STEAP2: variants seen among roughly 807,000 people sequenced by gnomAD.
STEAP2 encodes the protein metalloreductase STEAP2.
STEAP2 carries 30 observed loss-of-function variants against 46.4 expected under a neutral mutation model. The ratio of observed to expected loss-of-function variants is 0.65; its 90% confidence interval spans 0.48 to 0.88. The LOEUF is 0.88. Ranked by LOEUF, STEAP2 falls within the 40% of genes least tolerant of loss-of-function variation. The probability of loss-of-function intolerance (pLI) is 0.00; values close to 1 mark genes in which losing one functional copy is unlikely to be tolerated. For missense variants in STEAP2, 513 were observed against 579.3 expected, an observed-to-expected ratio of 0.89 and a Z score of 1.18; for synonymous variants, 180 against 200.5, an observed-to-expected ratio of 0.90 and a Z score of 0.86.
At chr7:90,231,710 A>C (rs1795756599) in intron 5 of STEAP2, among the ~76,000 whole-genome samples, 1 of 152,090 alleles carries the variant, frequency 6.6e-6, no homozygotes, top group Non-Finnish European at 1.5e-5. Flanking sequence ...CTTATGTGGC[A>C]CATGACTATA....
intron 2 of STEAP2, among the ~76,000 whole-genome samples, chr7:90,223,094 A>G (rs538539853): frequency 6.6e-6 from 1 of 152,302 alleles, no homozygotes; most frequent in East Asian, 1.9e-4. Context: ...TTTTTCCAGG[A>G]AGAATAACTG....
intron 2 of STEAP2, among the ~76,000 whole-genome samples, chr7:90,223,073 AATTT>A (rs1414309199): frequency 6.6e-6 from 1 of 152,202 alleles, no homozygotes; most frequent in Non-Finnish European, 1.5e-5. Flanking sequence ...ACTAAAAAAT[AATTT>A]GAGAGATTTT....
chr7:90,220,453 A>G (rs978444939), intron 2 of STEAP2, among the ~76,000 whole-genome samples: 1 of 151,932 alleles, frequency 6.6e-6, no homozygotes, highest in Non-Finnish European at 1.5e-5. Context: ...GATCTTATGT[A>G]TTTCTGTGGT....
At chr7:90,239,584 C>T (rs905877790), downstream of STEAP2, among the ~76,000 whole-genome samples, 4 of 152,182 alleles carry the variant, frequency 2.6e-5, no homozygotes, top group Non-Finnish European at 4.4e-5. Context: ...TAACTACCCA[C>T]CATTTAAACA....
chr7:90,219,411 C>G (rs1183433562), intron 2 of STEAP2, among the ~76,000 whole-genome samples: 1 of 151,806 alleles, frequency 6.6e-6, no homozygotes, highest in Non-Finnish European at 1.5e-5. Context: ...ATAATGATAG[C>G]TATATTATTA....
chr7:90,240,873 T>C (rs765125521), downstream of STEAP2, among the ~76,000 whole-genome samples: 19 of 152,224 alleles, frequency 1.2e-4, no homozygotes, highest in Non-Finnish European at 2.2e-4. This position sits in a 1 kb window ranked among gnomAD's most constrained non-coding sequence, Gnocchi z 4.1. Context: ...CTATTTATCT[T>C]TTTGCTGAAA....
chr7:90,235,816 G>T lies in STEAP2; in HGVS notation c.*3192G>T. The T allele has an allele frequency of 1.3e-6, 1 of 747,038 alleles. No homozygotes were observed. The highest frequency in any genetic ancestry group is 1.6e-6 in the Non-Finnish European group (1 of 612,812). 46.3% of individuals were successfully genotyped at this position (747,038 alleles called of 1,614,324 possible). A position where few individuals can be genotyped will look rare whatever the true frequency, so the allele number is the denominator to read the frequency against. On this transcript the variant is annotated 3_prime_UTR_variant, in exon 6 of 6. Coordinates refer to ENST00000394621, the MANE Select transcript of STEAP2 (RefSeq NM_001244944.2). ...TTAGCCCAGATTGTCTACATATAAG[G>T]TTTTTATTTGAATTGTAAAATATTT...
rs777670010 is a variant in STEAP2, at chr7:90,225,331, C to T, written c.249C>T (p.Leu83=). ...ATGTCACTCATCATGAAGATGCTCT[C>T]ACAAAAACAAATATAATATTTGTTG... ...VVDVTHHEDA[L]TKTNIIFVAI... is the part of the protein sequence containing the mutation. The change falls in exon 3 of 6, where the codon CTC becomes CTT. Residue 83 remains leucine, a synonymous_variant. Transcript: ENST00000394621. 6.2e-7 allele frequency: 1 copy of T among 1,613,912 alleles called. No homozygotes were observed. Among genetic ancestry groups the T allele is most frequent in the Non-Finnish European group, 8.5e-7 (1 of 1,179,946 alleles).
rs34433390 is a variant in STEAP2 at position 90,235,616 on chromosome 7, CAA to C, written c.*3002_*3003del. On this transcript the variant is annotated 3_prime_UTR_variant, in exon 6 of 6. Transcript: ENST00000394621. Reference sequence around the variant, plus strand: ...AAAGATACTCAGTCTTAATCCTATGCAAAAAAAAAAATCAAGTAATTGTTTTC... The same window carrying C: ...AAAGATACTCAGTCTTAATCCTATGCAAAAAAAAATCAAGTAATTGTTTTC... The C allele has an allele frequency of 5.7e-5, 50 of 870,338 alleles. No individual in the cohort carries two copies. Among genetic ancestry groups the C allele is most frequent in the African/African-American group, 2.8e-4 (15 of 54,390 alleles). The allele number at this position is 870,338 out of a possible 1,614,324, so 53.9% of individuals were successfully genotyped here.
intron 3 of STEAP2, among the ~76,000 whole-genome samples, chr7:90,226,140 G>A (rs1795480841): frequency 6.6e-6 from 1 of 151,980 alleles, no homozygotes; most frequent in Non-Finnish European, 1.5e-5. Flanking sequence ...GTTTAGCAGT[G>A]GATATAGAAT....
rs370138485 is a variant in STEAP2 at position 90,228,578 on chromosome 7, C to A, written c.1020+1080C>A. Among the ~76,000 whole-genome samples, 17 of 152,228 alleles carry A rather than the reference C, an allele frequency of 1.1e-4. No individual in the cohort carries two copies. The East Asian group carries it at 1.7e-3, about 16-fold the overall frequency. On this transcript the variant is annotated intron_variant, in intron 4 of 5. Transcript: ENST00000394621. ...CAGTATTCCCAATCCTTCTGACTTA[C>A]CCTGCTCTACCTTTCTTTTTTTAAT...
rs1354456411 is a variant in STEAP2, at chr7:90,235,600, C to G, written c.*2976C>G. On this transcript the variant is annotated 3_prime_UTR_variant, in exon 6 of 6. Coordinates refer to ENST00000394621, the MANE Select transcript of STEAP2 (RefSeq NM_001244944.2). ...GTTAAAAGAATGTAGAAAAGATACTCAGTCTTAATCCTATGCAAAAAAAAA... is the reference window on the plus strand; with the variant it reads ...GTTAAAAGAATGTAGAAAAGATACTGAGTCTTAATCCTATGCAAAAAAAAA... 1 of 967,382 alleles carries G rather than the reference C, an allele frequency of 1.0e-6. No individual in the cohort carries two copies. Among genetic ancestry groups the G allele is most frequent in the East Asian group, 1.3e-4 (1 of 7,642 alleles). 59.9% of individuals were successfully genotyped at this position (967,382 alleles called of 1,614,324 possible). A position where few individuals can be genotyped will look rare whatever the true frequency, so the allele number is the denominator to read the frequency against.
chr7:90,218,785 G>T (rs1387252641), intron 2 of STEAP2, among the ~76,000 whole-genome samples: 2 of 152,050 alleles, frequency 1.3e-5, no homozygotes, highest in South Asian at 4.1e-4. Context: ...TGAATTTTAG[G>T]ATTGTCTTTT....
At chr7:90,225,643 A>G (rs1795458743) in intron 3 of STEAP2, 69 bp downstream of exon 3, 2 of 1,442,798 alleles carry the variant, frequency 1.4e-6, no homozygotes, top group Non-Finnish European at 1.9e-6. Flanking sequence ...CAAATATCAA[A>G]CATTTTAATA....
intron 4 of STEAP2, among the ~76,000 whole-genome samples, chr7:90,228,060 C>T (rs1186697232): frequency 6.6e-6 from 1 of 151,984 alleles, no homozygotes; most frequent in African/African-American, 2.4e-5. Flanking sequence ...GATAATAGTT[C>T]CACAGGTGAA....
chr7:90,221,615 G>A (rs1405908119), intron 2 of STEAP2, among the ~76,000 whole-genome samples: 1 of 152,024 alleles, frequency 6.6e-6, no homozygotes, highest in Admixed American at 6.6e-5. Flanking sequence ...TGCATTCAAA[G>A]TTATTCAACA....
chr7:90,235,536 T>G lies in STEAP2; in HGVS notation c.*2912T>G. ...TGAGAACCTTAGAGCAGTGGAGATT[T>G]GCTACCTGGTCTGTGTTTTGAGAAG... On this transcript the variant is annotated 3_prime_UTR_variant, in exon 6 of 6. Transcript: ENST00000394621. 1.0e-6 allele frequency: 1 copy of G among 985,260 alleles called. No homozygotes were observed. Among genetic ancestry groups the G allele is most frequent in the Non-Finnish European group, 1.2e-6 (1 of 829,856 alleles). 61.0% of individuals were successfully genotyped at this position (985,260 alleles called of 1,614,324 possible).
At chr7:90,223,379 C>G in intron 2 of STEAP2, among the ~76,000 whole-genome samples, 1 of 152,200 alleles carries the variant, frequency 6.6e-6, no homozygotes, top group South Asian at 2.1e-4. Flanking sequence ...TCCTGACTCC[C>G]CCATCTGTCT....
intron 2 of STEAP2, among the ~76,000 whole-genome samples, chr7:90,217,503 CAT>C (rs531298564): frequency 2.0e-4 from 30 of 152,158 alleles, no homozygotes; most frequent in Non-Finnish European, 3.4e-4. Context: ...TGAGTAAAAA[CAT>C]GTGATATTTG....
Sources: allele counts gnomAD v4.1 joint callset (sites outside exome capture counted in the v4.1 genomes callset), GRCh38; gene constraint gnomAD v4.1.1; non-coding constraint Gnocchi (gnomAD v3.1); transcripts MANE v1.5; gene names NCBI Gene and HGNC (gene_info 2026-07-23, HGNC 2026-07-21).